FBP1: variants seen among roughly 807,000 people sequenced by gnomAD.
FBP1 encodes fructose-1,6-bisphosphatase 1.
FBP1 carries 22 observed loss-of-function variants against 29.9 expected under a neutral mutation model. That is an observed-to-expected ratio of 0.74 (90% CI 0.53 to 1.05). The LOEUF (loss-of-function observed/expected upper bound fraction) is 1.05. Among genes scored for constraint, FBP1 ranks in the 50% least tolerant of loss-of-function variants. FBP1 has a pLI of 0.00. For synonymous variants in FBP1, 175 were observed against 178.6 expected, an observed-to-expected ratio of 0.98 and a Z score of 0.16; for missense variants, 345 against 448.2, an observed-to-expected ratio of 0.77 and a Z score of 2.08.
chr9:94,616,673 C>A (rs1827868115), intron 3 of FBP1, among the ~76,000 whole-genome samples: 1 of 151,994 alleles, frequency 6.6e-6, no homozygotes, highest in Non-Finnish European at 1.5e-5. Flanking sequence ...ACCTTGTGAT[C>A]CACCCACCTC....
chr9:94,631,328 C>T (rs1000931619), intron 1 of FBP1, among the ~76,000 whole-genome samples: 5 of 152,160 alleles, frequency 3.3e-5, no homozygotes, highest in African/African-American at 1.2e-4. Context: ...TTAAAGAGCT[C>T]TAAGTCATTT....
chr9:94,626,649 C>G (rs7025253), intron 1 of FBP1, among the ~76,000 whole-genome samples: 1 of 152,148 alleles, frequency 6.6e-6, no homozygotes, highest in East Asian at 1.9e-4. Context: ...GCAAGGCTTC[C>G]GTGATTCTGA....
chr9:94,608,192 G>A (rs998349734), intron 4 of FBP1, among the ~76,000 whole-genome samples: 3 of 152,200 alleles, frequency 2.0e-5, no homozygotes, highest in Non-Finnish European at 4.4e-5. Context: ...GAGTACAGCT[G>A]TAGCAGTGTT....
intron 1 of FBP1, among the ~76,000 whole-genome samples, chr9:94,625,562 G>A (rs1172168486): frequency 3.3e-5 from 5 of 152,158 alleles, no homozygotes; most frequent in African/African-American, 9.7e-5. Context: ...TTGGGAGGCC[G>A]AGGCGAGCGG....
intron 1 of FBP1, among the ~76,000 whole-genome samples, chr9:94,638,856 C>T (rs1402869757): frequency 1.3e-5 from 2 of 152,146 alleles, no homozygotes; most frequent in African/African-American, 2.4e-5. Flanking sequence ...AGGCAGGCTG[C>T]TCAGGGCAGA....
intron 1 of FBP1, among the ~76,000 whole-genome samples, chr9:94,623,913 C>T (rs1827983662): frequency 6.6e-6 from 1 of 152,030 alleles, no homozygotes; most frequent in Admixed American, 6.6e-5. Context: ...GACAGATGCT[C>T]GCTGACATAA....
At position 94,610,020 on chromosome 9, in the gene FBP1, T is replaced by C. The variant is rs940994756; in HGVS notation, c.468A>G (p.Pro156=). The C allele has an allele frequency of 2.7e-5, 43 of 1,614,086 alleles. No individual in the cohort carries two copies. Among genetic ancestry groups the C allele is most frequent in the Non-Finnish European group, 3.6e-5 (42 of 1,180,018 alleles). The part of the protein sequence containing the change: ...DEPSEKDALQ[P]GRNLVAAGYA... ...AGCCGGCTGCCACCAGGTTCCGGCC[T>C]GGTTGCAGAGCATCCTTCTCAGAAG... is the stretch of plus-strand genomic sequence containing the variant. Residue 156 remains proline (P), a synonymous_variant, in exon 4 of 7, where the codon CCA becomes CCG. Transcript: ENST00000375326.
intron 3 of FBP1, among the ~76,000 whole-genome samples, chr9:94,614,612 C>T (rs955423654): frequency 6.6e-6 from 1 of 152,194 alleles, no homozygotes; most frequent in African/African-American, 2.4e-5. Flanking sequence ...CATGACCACA[C>T]ATCCTTCCAC....
At chr9:94,614,556 T>C (rs893566674) in intron 3 of FBP1, among the ~76,000 whole-genome samples, 2 of 151,798 alleles carry the variant, frequency 1.3e-5, no homozygotes, top group Non-Finnish European at 2.9e-5. Flanking sequence ...GAAATAGTAG[T>C]AGTCGGTAGG....
chr9:94,606,096 C>T (rs1478045079), intron 5 of FBP1, among the ~76,000 whole-genome samples: 2 of 152,080 alleles, frequency 1.3e-5, no homozygotes, highest in African/African-American at 4.8e-5. Flanking sequence ...GATGAGTAAG[C>T]TGGAGAGAAA....
chr9:94,608,038 T>C (rs1827726383), intron 4 of FBP1, among the ~76,000 whole-genome samples: 1 of 152,174 alleles, frequency 6.6e-6, no homozygotes, highest in Non-Finnish European at 1.5e-5. Flanking sequence ...TTCAAAAAAC[T>C]ATATAGAAAA....
chr9:94,607,453 T>G (rs954656141), intron 4 of FBP1, among the ~76,000 whole-genome samples: 1 of 151,162 alleles, frequency 6.6e-6, no homozygotes. Flanking sequence ...TTGATGGGAG[T>G]TCTCCTTTCT....
rs561663981 is a variant in FBP1 at position 94,621,848 on chromosome 9, T to G, written c.171-1357A>C. On this transcript the variant is annotated intron_variant, in intron 1 of 6. Transcript: ENST00000375326. Reference sequence around the variant, plus strand: ...TGAGTTGCGAGCCAAGCCAAGGGGTTTATGGCTTTATAACTAAAAAGACCC... The same window carrying G: ...TGAGTTGCGAGCCAAGCCAAGGGGTGTATGGCTTTATAACTAAAAAGACCC... 1.1e-4 allele frequency among the ~76,000 whole-genome samples: 16 copies of G among 152,002 alleles called. No individual in the cohort carries two copies. The South Asian group carries it at 3.3e-3, about 32-fold the overall frequency.
At chr9:94,612,096 A>G (rs1165722216) in intron 3 of FBP1, among the ~76,000 whole-genome samples, 2 of 152,238 alleles carry the variant, frequency 1.3e-5, no homozygotes, top group Admixed American at 1.3e-4. Flanking sequence ...AACTTACAGG[A>G]TCAAAACTTT....
At chr9:94,640,138 G>A (rs1828263920), upstream of FBP1, 1 of 152,208 alleles carries the variant, frequency 6.6e-6, no homozygotes, top group Non-Finnish European at 1.5e-5. Flanking sequence ...TCCAAGATGT[G>A]AGTCTCGCCC....
At chr9:94,624,752 A>C (rs1827999347) in intron 1 of FBP1, among the ~76,000 whole-genome samples, 1 of 152,258 alleles carries the variant, frequency 6.6e-6, no homozygotes, top group South Asian at 2.1e-4. Flanking sequence ...GCTGTTTGTT[A>C]GCAATTTAGC....
intron 3 of FBP1, among the ~76,000 whole-genome samples, chr9:94,615,974 C>T (rs1827856244): frequency 6.6e-6 from 1 of 152,064 alleles, no homozygotes; most frequent in Non-Finnish European, 1.5e-5. Flanking sequence ...ACTACAGGCG[C>T]CCGCCACCAT....
chr9:94,633,712 C>CT (rs1237963629), intron 1 of FBP1, among the ~76,000 whole-genome samples: 147 of 149,200 alleles, frequency 9.9e-4, no homozygotes, highest in African/African-American at 3.0e-3. Flanking sequence ...AAGCATCTTT[C>CT]TTTTTTTTTT....
Position 94,610,070 on chromosome 9 carries a change from A to T in FBP1, c.427-9T>A, listed in dbSNP as rs757609239. 6.2e-7 allele frequency: 1 copy of T among 1,613,728 alleles called. No homozygotes were observed. Among genetic ancestry groups the T allele is most frequent in the Non-Finnish European group, 8.5e-7 (1 of 1,179,692 alleles). ...GGCTCATCAGTTGATTTCTAGAGCA[A>T]GAAAGAAATCAAAGAATGTTTTTGT... is the stretch of plus-strand genomic sequence containing the variant. On this transcript the variant is annotated splice_polypyrimidine_tract_variant and intron_variant, in intron 3 of 6. Transcript: ENST00000375326.
Sources: gnomAD v4.1 joint callset for allele counts (sites outside exome capture counted in the v4.1 genomes callset) on GRCh38, gnomAD v4.1.1 for gene constraint, MANE v1.5 for transcripts, NCBI Gene and HGNC (gene_info 2026-07-23, HGNC 2026-07-21) for gene names.